CEP112: variants seen among roughly 807,000 people sequenced by gnomAD.
CEP112 encodes centrosomal protein 112.
A neutral mutation model predicts 153.0 loss-of-function variants in CEP112; 127 were observed. That is an observed-to-expected ratio of 0.83 (90% CI 0.72 to 0.96). The LOEUF (loss-of-function observed/expected upper bound fraction) is 0.96, where lower values mean the gene tolerates loss of function less well. Among genes scored for constraint, CEP112 ranks in the 40% least tolerant of loss-of-function variants. CEP112 has a pLI of 0.00. For missense variants in CEP112, 1,089 were observed against 1,101.2 expected (o/e 0.99, Z 0.16); for synonymous variants, 358 against 374.4 (o/e 0.96, Z 0.51).
intron 8 of CEP112, among the ~76,000 whole-genome samples, chr17:66,079,285 A>T (rs555657795): frequency 1.3e-5 from 2 of 152,226 alleles, no homozygotes; most frequent in South Asian, 4.1e-4. Flanking sequence ...ACTCTTGCAT[A>T]TGTATATCAG....
At chr17:66,168,971 T>A (rs2072120374) in intron 4 of CEP112, among the ~76,000 whole-genome samples, 2 of 152,154 alleles carry the variant, frequency 1.3e-5, no homozygotes, top group Non-Finnish European at 2.9e-5. Flanking sequence ...TTGGAAACTG[T>A]GAGAAATAAA....
chr17:66,060,468 C>CA (rs1196865483), intron 11 of CEP112, among the ~76,000 whole-genome samples: 1 of 151,998 alleles, frequency 6.6e-6, no homozygotes, highest in Admixed American at 6.6e-5. Flanking sequence ...GCATGAAGAA[C>CA]AAAGGTGGAG....
At chr17:66,009,072 G>T (rs1193056439) in intron 16 of CEP112, among the ~76,000 whole-genome samples, 1 of 152,102 alleles carries the variant, frequency 6.6e-6, no homozygotes, top group Non-Finnish European at 1.5e-5. Flanking sequence ...GAATGATACG[G>T]TAGTGCTATT....
chr17:66,144,777 G>A (rs2070852988), intron 4 of CEP112, among the ~76,000 whole-genome samples: 1 of 152,154 alleles, frequency 6.6e-6, no homozygotes, highest in Non-Finnish European at 1.5e-5. Context: ...CTATTCATGT[G>A]TTTATGGACA....
At chr17:66,058,096 CA>C (rs1219814621) in intron 11 of CEP112, among the ~76,000 whole-genome samples, 11 of 118,614 alleles carry the variant, frequency 9.3e-5, no homozygotes, top group Non-Finnish European at 1.1e-4. Context: ...CTAAAAAAAA[CA>C]AAAAAAAAAA....
chr17:65,746,165 C>CAAAAAAAAAAAAAAAAAAAAAA (rs56361589), intron 22 of CEP112, among the ~76,000 whole-genome samples: 42 of 49,458 alleles, frequency 8.5e-4, no homozygotes, highest in African/African-American at 2.4e-3. Context: ...AACTCCATCT[C>CAAAAAAAAAAAAAAAAAAAAAA]AAAAAAAAAA....
chr17:66,042,116 A>G (rs7213211), intron 12 of CEP112, among the ~76,000 whole-genome samples: 78,513 of 152,040 alleles, frequency 0.52, 21,158 homozygotes, highest in African/African-American at 0.59. Context: ...TGGGAGACTG[A>G]GGAAGGCAGA....
intron 21 of CEP112, among the ~76,000 whole-genome samples, chr17:65,828,336 T>C (rs1364903934): frequency 2.0e-5 from 3 of 152,256 alleles, no homozygotes; most frequent in Non-Finnish European, 2.9e-5. Context: ...CAGAATGATA[T>C]GCACAACTTC....
intron 4 of CEP112, among the ~76,000 whole-genome samples, chr17:66,142,244 G>T (rs2070733432): frequency 6.6e-6 from 1 of 152,122 alleles, no homozygotes; most frequent in Non-Finnish European, 1.5e-5. Flanking sequence ...ACTTTATATA[G>T]ATTGAATATT....
intron 6 of CEP112, among the ~76,000 whole-genome samples, chr17:66,099,421 T>C (rs1283666533): frequency 6.6e-6 from 1 of 150,822 alleles, no homozygotes; most frequent in Middle Eastern, 3.2e-3. Flanking sequence ...GGAGAACCTC[T>C]TGAACCCAAG....
intron 6 of CEP112, among the ~76,000 whole-genome samples, chr17:66,120,545 T>C (rs1347418151): frequency 5.3e-5 from 8 of 152,144 alleles, no homozygotes; most frequent in Non-Finnish European, 7.3e-5. Flanking sequence ...TTAATAGCTA[T>C]AGGACTATGC....
At position 65,927,654 on chromosome 17, in the gene CEP112, T is replaced by C. The variant is rs1489756017; in HGVS notation, c.1908A>G (p.Lys636=). 2 of 1,600,830 alleles carry C rather than the reference T, an allele frequency of 1.2e-6. No individual in the cohort carries two copies. Among genetic ancestry groups the C allele is most frequent in the East Asian group, 4.5e-5 (2 of 44,092 alleles). Residue 636 remains lysine (K), a synonymous_variant, in exon 19 of 27, where the codon AAA becomes AAG. Transcript: ENST00000535342. Reference sequence around the variant, plus strand: ...CCTTTGATTGTTTCTCACGAAGAGATTTGGATCTAGTTAGATCTGCCTCCA... The same window carrying C: ...CCTTTGATTGTTTCTCACGAAGAGACTTGGATCTAGTTAGATCTGCCTCCA... ...EKVEADLTRS[K]SLREKQSKEF...
intron 21 of CEP112, among the ~76,000 whole-genome samples, chr17:65,818,673 C>T (rs2056389291): frequency 6.6e-6 from 1 of 151,820 alleles, no homozygotes; most frequent in Non-Finnish European, 1.5e-5. Flanking sequence ...ATGATTTCTA[C>T]TTCAGAAAAA....
At chr17:65,766,967 C>A (rs919646809) in intron 21 of CEP112, among the ~76,000 whole-genome samples, 1 of 150,010 alleles carries the variant, frequency 6.7e-6, no homozygotes, top group African/African-American at 2.5e-5. Flanking sequence ...ACTTCAATAT[C>A]CCCCATCAAC....
intron 1 of CEP112, among the ~76,000 whole-genome samples, chr17:66,187,610 T>A (rs891818968): frequency 1.3e-5 from 2 of 152,198 alleles, no homozygotes; most frequent in Admixed American, 6.5e-5. Context: ...CTCTGGCTTC[T>A]CCAGTCAATA....
chr17:65,918,902 C>T (rs536091588), intron 19 of CEP112, among the ~76,000 whole-genome samples: 13 of 152,178 alleles, frequency 8.5e-5, no homozygotes, highest in South Asian at 2.1e-4. Flanking sequence ...GTTCCTGGCA[C>T]GGTGCTTTCT....
chr17:65,646,319 C>T (rs976086369), intron 24 of CEP112, among the ~76,000 whole-genome samples: 3 of 152,064 alleles, frequency 2.0e-5, no homozygotes, highest in African/African-American at 7.2e-5. Context: ...TAAAATAAGC[C>T]TCTGGAAAAT....
chr17:65,972,105 C>T (rs780966442), intron 17 of CEP112, among the ~76,000 whole-genome samples: 2 of 152,150 alleles, frequency 1.3e-5, no homozygotes, highest in Non-Finnish European at 2.9e-5. Context: ...AATACACATT[C>T]ATTTCAAGAG....
intron 21 of CEP112, among the ~76,000 whole-genome samples, chr17:65,795,310 A>C (rs1479044837): frequency 6.6e-6 from 1 of 152,212 alleles, no homozygotes; most frequent in Non-Finnish European, 1.5e-5. Context: ...ATGAATTCTT[A>C]CTAGGTGCCA....
Sources: gnomAD v4.1 joint callset for allele counts (sites outside exome capture counted in the v4.1 genomes callset) on GRCh38, gnomAD v4.1.1 for gene constraint, MANE v1.5 for transcripts, NCBI Gene and HGNC (gene_info 2026-07-23, HGNC 2026-07-21) for gene names.